Variants in RRAGB observed in about 807,000 individuals in gnomAD.
RRAGB encodes Ras related GTP binding B.
Under a neutral mutation model 29.3 loss-of-function variants are expected in RRAGB, and 6 were observed. The observed-to-expected ratio is 0.21, with a 90% CI of 0.11 to 0.40. The LOEUF is 0.40. Ranked by LOEUF, RRAGB falls within the 10% of genes least tolerant of loss-of-function variation. The probability of loss-of-function intolerance (pLI) is 1.00; values close to 1 mark genes in which losing one functional copy is unlikely to be tolerated. For missense variants in RRAGB, 184 were observed against 272.9 expected, an observed-to-expected ratio of 0.67 and a Z score of 2.29; for synonymous variants, 101 against 92.5, an observed-to-expected ratio of 1.09 and a Z score of -0.53.
At chrX:55,734,258 C>T (rs1298609907) in intron 5 of RRAGB, among the ~76,000 whole-genome samples, 3 of 108,082 alleles carry the variant, frequency 2.8e-5, no homozygotes, top group South Asian at 3.9e-4. Flanking sequence ...CCACCGTGCC[C>T]GGCTGGGTTT....
chrX:55,748,475 C>T (rs1412531193), intron 5 of RRAGB, among the ~76,000 whole-genome samples: 1 of 109,009 alleles, frequency 9.2e-6, no homozygotes, highest in Non-Finnish European at 1.9e-5. Context: ...GAGTCTCTGC[C>T]TGGCCGCCCA....
At chrX:55,736,353 C>T (rs902043436) in intron 5 of RRAGB, among the ~76,000 whole-genome samples, 2 of 112,223 alleles carry the variant, frequency 1.8e-5, no homozygotes, top group Admixed American at 1.9e-4. Flanking sequence ...AAAGCCTTGT[C>T]TTCAAGCTCT....
At chrX:55,745,050 G>T (rs1459821894) in intron 5 of RRAGB, among the ~76,000 whole-genome samples, 2 of 111,856 alleles carry the variant, frequency 1.8e-5, no homozygotes, top group East Asian at 5.6e-4. Flanking sequence ...CCATACCACT[G>T]CACCCCTCAA....
intron 5 of RRAGB, among the ~76,000 whole-genome samples, chrX:55,733,748 A>T (rs1271386921): frequency 5.4e-5 from 6 of 111,521 alleles, no homozygotes; most frequent in African/African-American, 2.0e-4. Flanking sequence ...CATTGAGTAT[A>T]TTGATTTGTA....
Position 55,731,373 on chromosome X carries a change from C to T in RRAGB, c.303C>T (p.Thr101=). 2 of 1,204,653 alleles carry T rather than the reference C, an allele frequency of 1.7e-6. No individual in the cohort carries two copies. Among genetic ancestry groups the T allele is most frequent in the South Asian group, 3.6e-5 (2 of 56,143 alleles). ...LNLWDCGGQD[T]FMENYFTSQR... is the part of the protein sequence containing the mutation. ...ATATTTTTTCTATCAGGCAAGACAC[C>T]TTCATGGAAAATTATTTCACTAGCC... The change falls in exon 5 of 10, where the codon ACC becomes ACT. Residue 101 remains threonine (T), a synonymous_variant. Transcript: ENST00000374941.
At chrX:55,746,195 T>C (rs920341410) in intron 5 of RRAGB, among the ~76,000 whole-genome samples, 2 of 110,975 alleles carry the variant, frequency 1.8e-5, no homozygotes, top group Admixed American at 9.6e-5. Flanking sequence ...AAGCCGTGAG[T>C]CTCCAATTTA....
intron 7 of RRAGB, among the ~76,000 whole-genome samples, chrX:55,754,400 G>A (rs1000881527): frequency 4.4e-5 from 5 of 112,808 alleles, no homozygotes; most frequent in Non-Finnish European, 7.5e-5. Flanking sequence ...TTTAAAAATA[G>A]CAATAATAGA....
At chrX:55,757,805 C>CT (rs1450216984) in intron 9 of RRAGB, among the ~76,000 whole-genome samples, 1 of 111,134 alleles carries the variant, frequency 9.0e-6, no homozygotes, top group Non-Finnish European at 1.9e-5. Context: ...TCCTATGTAC[C>CT]ACATTCTCAT....
At chrX:55,742,255 G>C (rs1343711532) in intron 5 of RRAGB, among the ~76,000 whole-genome samples, 1 of 112,419 alleles carries the variant, frequency 8.9e-6, no homozygotes. Context: ...AACTGGTCAC[G>C]TGATTTTTAA....
Position 55,755,170 on chromosome X carries a change from C to T in RRAGB, c.736-671C>T. 6.6e-6 allele frequency: 5 copies of T among 753,155 alleles called. 1 individual carries two copies. Among genetic ancestry groups the T allele is most frequent in the Non-Finnish European group, 4.7e-6 (3 of 638,202 alleles). The allele number at this position is 753,155 out of a possible 1,213,427, so 62.1% of individuals were successfully genotyped here. Reference sequence around the variant, plus strand: ...TAGAAATTATGTTTTGAAATTTTCACATTGTCTCATGGAATTTCCCTGTGA... The same window carrying T: ...TAGAAATTATGTTTTGAAATTTTCATATTGTCTCATGGAATTTCCCTGTGA... On this transcript the variant is annotated intron_variant, in intron 7 of 9. Coordinates refer to ENST00000374941, the MANE Select transcript of RRAGB (RefSeq NM_006064.5).
chrX:55,727,385 A>C, intron 3 of RRAGB: 1 of 793,905 alleles, frequency 1.3e-6, no homozygotes, highest in Non-Finnish European at 1.9e-6. Context: ...GGAAATACAA[A>C]GACATGTAAG....
chrX:55,754,237 C>A (rs1057005669), intron 7 of RRAGB, among the ~76,000 whole-genome samples: 18 of 112,489 alleles, frequency 1.6e-4, no homozygotes, highest in African/African-American at 4.2e-4. Flanking sequence ...ATCTCAGTGA[C>A]ATAGGAGTTC....
chrX:55,747,527 A>G (rs751651956), intron 5 of RRAGB, among the ~76,000 whole-genome samples: 1 of 111,529 alleles, frequency 9.0e-6, no homozygotes, highest in African/African-American at 3.3e-5. Context: ...TCCTTTCTCT[A>G]CTTTGTTCAG....
At chrX:55,750,373 T>A (rs2034488513) in intron 5 of RRAGB, among the ~76,000 whole-genome samples, 1 of 110,932 alleles carries the variant, frequency 9.0e-6, no homozygotes, top group Non-Finnish European at 1.9e-5. Context: ...GTGGTTCGGG[T>A]CAGAAAGCAA....
chrX:55,747,633 GTATTT>G (rs1042327311), intron 5 of RRAGB, among the ~76,000 whole-genome samples: 20 of 111,467 alleles, frequency 1.8e-4, no homozygotes, highest in Non-Finnish European at 2.6e-4. Flanking sequence ...CCTCTTAAAA[GTATTT>G]TATTAGGAAT....
At chrX:55,748,332 C>G (rs772686620) in intron 5 of RRAGB, among the ~76,000 whole-genome samples, 3 of 111,052 alleles carry the variant, frequency 2.7e-5, no homozygotes, top group Admixed American at 9.4e-5. Context: ...GCCACCTATC[C>G]TCTGGGATGT....
At chrX:55,750,478 A>C (rs747507056) in intron 5 of RRAGB, among the ~76,000 whole-genome samples, 5 of 111,447 alleles carry the variant, frequency 4.5e-5, no homozygotes, top group African/African-American at 1.6e-4. Context: ...ATTATACAGA[A>C]TAATACTCAG....
At chrX:55,754,821 A>G (rs144126484) in intron 7 of RRAGB, among the ~76,000 whole-genome samples, 1 of 111,993 alleles carries the variant, frequency 8.9e-6, no homozygotes, top group East Asian at 2.8e-4. Context: ...TAATTAGAGT[A>G]TCTTTCTGTC....
chrX:55,748,909 G>A (rs2034377934), intron 5 of RRAGB, among the ~76,000 whole-genome samples: 1 of 103,352 alleles, frequency 9.7e-6, no homozygotes, highest in African/African-American at 3.6e-5. Flanking sequence ...CGGGAGGGAG[G>A]TGGGGGGGTC....
Sources: allele counts gnomAD v4.1 joint callset (sites outside exome capture counted in the v4.1 genomes callset), GRCh38; gene constraint gnomAD v4.1.1; transcripts MANE v1.5; gene names NCBI Gene and HGNC (gene_info 2026-07-23, HGNC 2026-07-21).